PIGN: variants seen among roughly 807,000 people sequenced by gnomAD.
PIGN encodes the protein phosphatidylinositol glycan anchor biosynthesis class N, also known as GPI ethanolamine phosphate transferase 1.
Under a neutral mutation model 125.4 loss-of-function variants are expected in PIGN, and 117 were observed. That is an observed-to-expected ratio of 0.93 (90% CI 0.80 to 1.09). PIGN has a LOEUF of 1.09. Among genes scored for constraint, PIGN ranks in the 50% least tolerant of loss-of-function variants. PIGN has a pLI of 0.00. For missense variants in PIGN, 1,075 were observed against 1,094.9 expected, an observed-to-expected ratio of 0.98 and a Z score of 0.26; for synonymous variants, 392 against 377.8, an observed-to-expected ratio of 1.04 and a Z score of -0.44.
chr18:62,043,343 T>G lies in PIGN; in HGVS notation c.*2513A>C, dbSNP rs2030453131. Reference sequence around the variant, plus strand: ...TCTAGGCCAGCTTCATCAGAAATCATGTTTTTAATGGCACAGTTATATGTC... The same window carrying G: ...TCTAGGCCAGCTTCATCAGAAATCAGGTTTTTAATGGCACAGTTATATGTC... On this transcript the variant is annotated 3_prime_UTR_variant, in exon 31 of 31. Transcript: ENST00000640252. 1.3e-5 allele frequency: 2 copies of G among 152,146 alleles called. No individual in the cohort carries two copies. The highest frequency in any genetic ancestry group is 1.3e-4 in the Admixed American group (2 of 15,286). 9.4% of individuals were successfully genotyped at this position (152,146 alleles called of 1,614,324 possible).
chr18:62,098,059 C>A (rs1327251529), intron 22 of PIGN, among the ~76,000 whole-genome samples: 1 of 152,174 alleles, frequency 6.6e-6, no homozygotes, highest in Non-Finnish European at 1.5e-5. Flanking sequence ...AATTTACCCA[C>A]CTGTCAAATA....
chr18:62,186,102 G>A (rs1322717956), intron 1 of PIGN: 1 of 143,674 alleles, frequency 7.0e-6, no homozygotes, highest in Non-Finnish European at 1.5e-5. Context: ...CCAGGCTGGA[G>A]TGCAGTGGCG....
At chr18:62,155,831 C>A (rs1392718533) in intron 6 of PIGN, among the ~76,000 whole-genome samples, 2 of 152,166 alleles carry the variant, frequency 1.3e-5, no homozygotes, top group African/African-American at 2.4e-5. Context: ...TCCACCCTTA[C>A]CACCACCAGC....
At position 62,093,676 on chromosome 18, in the gene PIGN, T is replaced by C. The variant is rs1163632443; in HGVS notation, c.2180+2172A>G. 9.2e-5 allele frequency among the ~76,000 whole-genome samples: 14 copies of C among 152,254 alleles called. No homozygotes were observed. In the South Asian group the frequency reaches 2.1e-3, roughly 22 times the overall value. ...AAATGAATCTTCTTTATTCAATAAA[T>C]CAAGGATGCATTGTAAGAATTTAGG... is the stretch of plus-strand genomic sequence containing the variant. On this transcript the variant is annotated intron_variant, in intron 23 of 30. Transcript: ENST00000640252.
intron 14 of PIGN, among the ~76,000 whole-genome samples, chr18:62,117,668 A>C (rs2035138412): frequency 6.6e-6 from 1 of 152,138 alleles, no homozygotes; most frequent in South Asian, 2.1e-4. Context: ...TATTTTATAA[A>C]TAGAACTTGA....
intron 30 of PIGN, among the ~76,000 whole-genome samples, chr18:62,061,511 C>CAAAAA (rs373391589): frequency 6.0e-5 from 2 of 33,230 alleles, no homozygotes; most frequent in African/African-American, 1.6e-4. Flanking sequence ...GACTCCGTCT[C>CAAAAA]AAAAAAAAAA....
chr18:62,046,321 G>T (rs1181604521), intron 30 of PIGN, among the ~76,000 whole-genome samples: 1 of 151,774 alleles, frequency 6.6e-6, no homozygotes, highest in Non-Finnish European at 1.5e-5. Context: ...TCAGGCAGTG[G>T]ACTGGTACCA....
At chr18:62,096,803 T>C (rs1403395949) in intron 22 of PIGN, among the ~76,000 whole-genome samples, 1 of 140,048 alleles carries the variant, frequency 7.1e-6, no homozygotes, top group East Asian at 2.0e-4. Context: ...GTTCTTGCGA[T>C]AGTTTACTGA....
chr18:62,035,422 CATA>C (rs935164268), intron 23 of PIGN, among the ~76,000 whole-genome samples: 1 of 152,178 alleles, frequency 6.6e-6, no homozygotes, highest in Non-Finnish European at 1.5e-5. Flanking sequence ...AACTCAATAT[CATA>C]ATGTTTAAAT....
At position 62,084,606 on chromosome 18, in the gene PIGN, G is replaced by A. The variant is rs2033604018; in HGVS notation, c.2427C>T (p.Ser809=). 6.5e-7 allele frequency: 1 copy of A among 1,540,780 alleles called. No individual in the cohort carries two copies. Among genetic ancestry groups the A allele is most frequent in the Admixed American group, 1.9e-5 (1 of 51,542 alleles). ...AGCAATAGACAGAGGCAAGATCAAA[G>A]CTAGGGAATTATAACAAGGAAAAAG... ...FGTGNIASIN[S]FDLASVYCFL... is the part of the protein sequence containing the mutation. Residue 809 remains serine (S), a splice_region_variant and synonymous_variant, in exon 27 of 31, where the codon AGC becomes AGT. Transcript: ENST00000640252.
intron 16 of PIGN, chr18:62,112,927 G>C: frequency 2.0e-6 from 1 of 508,446 alleles, no homozygotes; most frequent in East Asian, 3.1e-5. Flanking sequence ...GCTTTCTTAA[G>C]TTATAGGATC....
intron 1 of PIGN, among the ~76,000 whole-genome samples, chr18:62,184,976 T>C (rs2037844728): frequency 6.6e-6 from 1 of 152,170 alleles, no homozygotes; most frequent in South Asian, 2.1e-4. Flanking sequence ...AGAAGTTAGG[T>C]AACTTTTTCA....
In PIGN at chr18:62,106,795, T is replaced by C. The variant is rs1555683899; in HGVS notation, c.1761A>G (p.Arg587=). ...AWPFLTRLWT[R]AKMTSLSWTF... ...TCAAAATGAGTACTCATACCTTTGC[T>C]CGAGTCCACAGCCGAGTGAGAAATG... The change falls in exon 19 of 31, where the codon CGA becomes CGG. Residue 587 remains arginine (R), a synonymous_variant. Coordinates refer to ENST00000640252, the MANE Select transcript of PIGN (RefSeq NM_176787.5). 6.2e-6 allele frequency: 10 copies of C among 1,602,792 alleles called. No homozygotes were observed. Among genetic ancestry groups the C allele is most frequent in the Non-Finnish European group, 8.5e-6 (10 of 1,173,710 alleles).
chr18:62,037,354 G>C (rs547361494), downstream of PIGN, among the ~76,000 whole-genome samples: 12 of 152,222 alleles, frequency 7.9e-5, no homozygotes, highest in Non-Finnish European at 1.5e-4. Flanking sequence ...TTCTTATCTG[G>C]AAAATAAGGC....
In PIGN at chr18:62,088,751, G is replaced by C; in HGVS notation, c.2370+5C>G. ...TCTTTAAACCAAAGTCTCCACAAAG[G>C]ATACAAGGAAAAAGGCCCTACGGAT... On this transcript the variant is annotated splice_donor_5th_base_variant and intron_variant, in intron 25 of 30. Transcript: ENST00000640252. 6.6e-7 allele frequency: 1 copy of C among 1,519,246 alleles called. No homozygotes were observed. The highest frequency in any genetic ancestry group is 9.0e-7 in the Non-Finnish European group (1 of 1,113,568). The allele number at this position is 1,519,246 out of a possible 1,614,324, so 94.1% of individuals were successfully genotyped here.
chr18:62,017,979 G>A (rs950947637), intron 23 of PIGN, among the ~76,000 whole-genome samples: 1 of 152,156 alleles, frequency 6.6e-6, no homozygotes, highest in South Asian at 2.1e-4. Context: ...AGTTGGCAAC[G>A]AACAGTGTGC....
At chr18:62,147,692 A>C (rs570623589) in intron 8 of PIGN, among the ~76,000 whole-genome samples, 6 of 152,218 alleles carry the variant, frequency 3.9e-5, no homozygotes, top group African/African-American at 1.4e-4. Context: ...CAGAAATAAG[A>C]GTATAACATG....
rs375946265 is a variant in PIGN, at chr18:62,183,663, A to G, written c.-236+3181T>C. 1.5e-3 allele frequency among the ~76,000 whole-genome samples: 231 copies of G among 152,320 alleles called. 1 individual carries two copies. The highest frequency in any genetic ancestry group is 5.2e-3 in the African/African-American group (215 of 41,574). ...TTCACCACAATTCCATGACAGCAGG[A>G]CGGGGCATCTCCAACACCCATCAGA... On this transcript the variant is annotated intron_variant, in intron 1 of 30. Transcript: ENST00000640252.
intron 30 of PIGN, among the ~76,000 whole-genome samples, chr18:62,051,256 G>C (rs940154716): frequency 6.6e-6 from 1 of 152,306 alleles, no homozygotes; most frequent in South Asian, 2.1e-4. Flanking sequence ...CTATTGATTA[G>C]AGTAGTTTCA....
Sources: allele counts gnomAD v4.1 joint callset (sites outside exome capture counted in the v4.1 genomes callset), GRCh38; gene constraint gnomAD v4.1.1; transcripts MANE v1.5; gene names NCBI Gene and HGNC (gene_info 2026-07-23, HGNC 2026-07-21).